DNHD1: variants seen among roughly 807,000 people sequenced by gnomAD.
The protein encoded by DNHD1 is dynein heavy chain domain-containing protein 1.
Under a neutral mutation model 458.1 loss-of-function variants are expected in DNHD1, and 383 were observed. The ratio of observed to expected loss-of-function variants is 0.84; its 90% CI spans 0.77 to 0.91. The LOEUF (loss-of-function observed/expected upper bound fraction) is 0.91, where lower values mean the gene tolerates loss of function less well. Ranked by LOEUF, DNHD1 falls within the 40% of genes least tolerant of loss-of-function variation. The probability of loss-of-function intolerance (pLI) is 0.00; values close to 1 mark genes in which losing one functional copy is unlikely to be tolerated. For synonymous variants in DNHD1, 2,203 were observed against 2,376.9 expected (o/e 0.93, Z 2.13); for missense variants, 5,336 against 5,866.1 (o/e 0.91, Z 2.95).
At chr11:6,519,535 G>A in intron 7 of DNHD1, 65 bp from the exon 8 acceptor site, 3 of 1,584,024 alleles carry the variant, frequency 1.9e-6, no homozygotes, top group Non-Finnish European at 1.7e-6. Context: ...AGTTTGCACA[G>A]ACTAGTGGGT....
Position 6,520,534 on chromosome 11 carries a change from G to A in DNHD1, c.1837+245G>A, listed in dbSNP as rs1038684220. 3.7e-6 allele frequency: 5 copies of A among 1,357,426 alleles called. No homozygotes were observed. The South Asian group carries it at 9.2e-5, about 25-fold the overall frequency. 84.1% of individuals were successfully genotyped at this position (1,357,426 alleles called of 1,614,324 possible). A position where few individuals can be genotyped will look rare whatever the true frequency, so the allele number is the denominator to read the frequency against. ...AATGAGAGGGTGTATGAAAGAGTGT[G>A]AGTACATTGTCCTTCCAAACCTGAT... On this transcript the variant is annotated intron_variant, in intron 10 of 42. Coordinates refer to ENST00000254579, the MANE Select transcript of DNHD1 (RefSeq NM_144666.3).
At position 6,546,422 on chromosome 11, in the gene DNHD1, C is replaced by T. The variant is rs1050904724; in HGVS notation, c.5483C>T (p.Ala1828Val). The change falls in exon 21 of 43, where the codon GCA becomes GTA. Residue 1828 changes from alanine to valine, a missense_variant. Transcript: ENST00000254579. The part of the protein sequence containing the change: ...LHLLLRPVAL[A>V]LPDLRQVAEL... Reference sequence around the variant, plus strand: ...CTGCTGCTGCGGCCTGTGGCATTGGCATTGCCTGATCTGCGGCAAGTGGCA... The same window carrying T: ...CTGCTGCTGCGGCCTGTGGCATTGGTATTGCCTGATCTGCGGCAAGTGGCA... 2 of 1,551,722 alleles carry T rather than the reference C, an allele frequency of 1.3e-6. No individual in the cohort carries two copies. Among genetic ancestry groups the T allele is most frequent in the Admixed American group, 2.0e-5 (1 of 50,992 alleles).
chr11:6,512,429 A>G lies in DNHD1; in HGVS notation c.1392+1000A>G, dbSNP rs61876827. Reference sequence around the variant, plus strand: ...AGTAGAGATGGGGTTTCACTGTGTTAGCCAGGATGGTCTTGATCTCCTGAC... The same window carrying G: ...AGTAGAGATGGGGTTTCACTGTGTTGGCCAGGATGGTCTTGATCTCCTGAC... On this transcript the variant is annotated intron_variant, in intron 7 of 42. Transcript: ENST00000254579. Among the ~76,000 whole-genome samples, 1,242 of 151,540 alleles carry G rather than the reference A, an allele frequency of 8.2e-3. 9 individuals carry two copies. Among genetic ancestry groups the G allele is most frequent in the African/African-American group, 0.016 (676 of 41,290 alleles).
chr11:6,554,486 C>T (rs114216369), intron 24 of DNHD1, among the ~76,000 whole-genome samples: 2,052 of 151,820 alleles, frequency 0.014, 46 homozygotes, highest in African/African-American at 0.047. Flanking sequence ...GACACTGTTA[C>T]GAAAATGAAA....
At chr11:6,570,219 A>C (rs777577416) in intron 40 of DNHD1, 28 bp from the exon 41 acceptor site, 1 of 1,613,660 alleles carries the variant, frequency 6.2e-7, no homozygotes, top group Non-Finnish European at 8.5e-7. Flanking sequence ...AAGGTACTGG[A>C]ACTGAGAGAC....
At chr11:6,502,407 TG>T (rs1852155207) in intron 3 of DNHD1, among the ~76,000 whole-genome samples, 2 of 152,342 alleles carry the variant, frequency 1.3e-5, no homozygotes, top group African/African-American at 2.4e-5. Context: ...AGCAATGAGT[TG>T]GGAAAATAAA....
At chr11:6,534,714 T>G (rs890338551) in intron 14 of DNHD1, among the ~76,000 whole-genome samples, 7 of 152,168 alleles carry the variant, frequency 4.6e-5, no homozygotes, top group Non-Finnish European at 7.3e-5. Flanking sequence ...CTTCTGTTCT[T>G]AAAGAACTCT....
Position 6,571,854 on chromosome 11 carries a change from C to A in DNHD1, c.14130C>A (p.Tyr4710Ter), listed in dbSNP as rs777279976. ...TGACTGTGTACTCGTGTCCTGTGTA[C>A]ATGGGAGGGCCCCTTGGCACCGCTA... is the stretch of plus-strand genomic sequence containing the variant. The part of the protein sequence containing the change: ...ADLTVYSCPV[Y>*]MGGPLGTAKL... Residue 4710 changes from tyrosine (Y) to a stop codon, truncating the protein, a stop_gained, in exon 43 of 43, where the codon TAC (tyrosine) becomes TAA (stop). Transcript: ENST00000254579. LOFTEE classifies it high-confidence loss of function. The surrounding 1 kb of genome is among the most constrained non-coding windows in gnomAD (Gnocchi z 5.0). 6.2e-7 allele frequency: 1 copy of A among 1,613,928 alleles called. No individual in the cohort carries two copies. Among genetic ancestry groups the A allele is most frequent in the Non-Finnish European group, 8.5e-7 (1 of 1,179,914 alleles).
At position 6,570,256 on chromosome 11, in the gene DNHD1, T is replaced by C; in HGVS notation, c.12965T>C (p.Phe4322Ser). The C allele has an allele frequency of 6.2e-6, 10 of 1,613,740 alleles. No individual in the cohort carries two copies. The highest frequency in any genetic ancestry group is 8.5e-6 in the Non-Finnish European group (10 of 1,179,774). Reference protein sequence around the residue: ...AAMQELAASVFYGGPLGDTED... With the variant: ...AAMQELAASVSYGGPLGDTED... ...CTAACCTCATCTTCAGCTTCAGTTT[T>C]CTACGGGGGTCCTCTGGGGGACACT... Residue 4322 changes from phenylalanine (F) to serine (S), a missense_variant, in exon 41 of 43, where the codon TTC (phenylalanine) becomes TCC (serine). Phe to Ser is a radical substitution (Grantham distance 155). This residue lies in a region of DNHD1 where 698 missense variants were observed against 664.9 expected (regional missense o/e 1.05). Coordinates refer to ENST00000254579, the MANE Select transcript of DNHD1 (RefSeq NM_144666.3).
At chr11:6,503,420 C>G (rs1028018880) in intron 4 of DNHD1, 4 of 152,454 alleles carry the variant, frequency 2.6e-5, no homozygotes, top group African/African-American at 9.7e-5. Flanking sequence ...TCCTCCTTCC[C>G]CATGACTCAA....
intron 34 of DNHD1, 64 bp downstream of exon 34, chr11:6,566,457 C>A: frequency 6.5e-7 from 1 of 1,544,782 alleles, no homozygotes; most frequent in Non-Finnish European, 8.8e-7. Flanking sequence ...CAGCACCAGC[C>A]CTAAGAGGGC....
chr11:6,500,660 G>A lies in DNHD1; in HGVS notation c.746+1699G>A, dbSNP rs78657271. ...GTTCTTTGCCCTCCCTTTGAACCTGGCAGTAAACCTCTGAGGTCTAGCTAA... is the reference window on the plus strand; with the variant it reads ...GTTCTTTGCCCTCCCTTTGAACCTGACAGTAAACCTCTGAGGTCTAGCTAA... On this transcript the variant is annotated intron_variant, in intron 3 of 42. Transcript: ENST00000254579. 7.2e-5 allele frequency among the ~76,000 whole-genome samples: 11 copies of A among 152,282 alleles called. No individual in the cohort carries two copies. The East Asian group carries it at 1.7e-3, about 24-fold the overall frequency.
At chr11:6,504,541 C>T (rs1464683499) in intron 4 of DNHD1, among the ~76,000 whole-genome samples, 1 of 152,222 alleles carries the variant, frequency 6.6e-6, no homozygotes, top group African/African-American at 2.4e-5. Context: ...CCTCCACCTC[C>T]CTGGTTCAAG....
chr11:6,556,751 C>T lies in DNHD1; in HGVS notation c.7456C>T (p.His2486Tyr). 6.4e-7 allele frequency: 1 copy of T among 1,551,630 alleles called. No individual in the cohort carries two copies. Among genetic ancestry groups the T allele is most frequent in the Non-Finnish European group, 8.7e-7 (1 of 1,146,922 alleles). Residue 2486 changes from histidine to tyrosine, a missense_variant, in exon 25 of 43, where the codon CAC (histidine) becomes TAC (tyrosine). Physicochemically the swap from His to Tyr is moderately conservative, Grantham distance 83 (BLOSUM62 2). Around this residue, in one of 4 missense-constraint regions of DNHD1, gnomAD observed 3,932 missense variants for 4,365.6 expected, o/e 0.90. Transcript: ENST00000254579. ...RQAMDGTVYA[H>Y]STLELQTLQP... is the part of the protein sequence containing the mutation. ...GGCCATGGATGGCACTGTGTATGCCCACAGCACCTTGGAACTGCAGACGCT... is the reference window on the plus strand; with the variant it reads ...GGCCATGGATGGCACTGTGTATGCCTACAGCACCTTGGAACTGCAGACGCT...
At chr11:6,539,731 C>A in intron 17 of DNHD1, 145 bp from the exon 18 acceptor site, 1 of 728,376 alleles carries the variant, frequency 1.4e-6, no homozygotes. Context: ...GCCTGATGGT[C>A]CCACTCTCGC....
Position 6,528,770 on chromosome 11 carries a change from CAA to C in DNHD1, c.2087_2088del (p.Gln696ProfsTer26). ...TAAGATCCAGCAGGCACTGAATATACAACAGGTGCTGCTGGAGGTGAGAACAG... is the reference window on the plus strand; with the variant it reads ...TAAGATCCAGCAGGCACTGAATATACCAGGTGCTGCTGGAGGTGAGAACAG... ...NPKIQQALNIQQVLLEGVLCK... is the reference protein window; with the variant it reads ...NPKIQQALNIXQVLLEGVLCK... On this transcript the variant is annotated frameshift_variant, in exon 11 of 43. Coordinates refer to ENST00000254579, the MANE Select transcript of DNHD1 (RefSeq NM_144666.3). LOFTEE classifies it high-confidence loss of function. 5.2e-6 allele frequency: 8 copies of C among 1,551,580 alleles called. No homozygotes were observed. The South Asian group carries it at 9.5e-5, about 18-fold the overall frequency.
chr11:6,528,593 G>A lies in DNHD1; in HGVS notation c.1909G>A (p.Val637Met). The A allele has an allele frequency of 6.4e-7, 1 of 1,551,750 alleles. No homozygotes were observed. The change falls in exon 11 of 43, where the codon GTG becomes ATG. Residue 637 changes from valine (V) to methionine (M), a missense_variant. Val to Met is a conservative substitution (Grantham distance 21). Around this residue, in one of 4 missense-constraint regions of DNHD1, gnomAD observed 3,932 missense variants for 4,365.6 expected, o/e 0.90. Coordinates refer to ENST00000254579, the MANE Select transcript of DNHD1 (RefSeq NM_144666.3). ...PKFQGQPSDA[V>M]SIFCGPNVGL... ...GTTCCAGGGCCAGCCCAGCGATGCT[G>A]TGAGCATCTTCTGTGGCCCGAATGT...
rs1416701525 is a variant in DNHD1 at position 6,533,972 on chromosome 11, A to G, written c.2797A>G (p.Ile933Val). 1 of 1,551,486 alleles carries G rather than the reference A, an allele frequency of 6.4e-7. No homozygotes were observed. The change falls in exon 14 of 43, where the codon ATT (isoleucine) becomes GTT (valine). Residue 933 changes from isoleucine (I) to valine (V), a missense_variant. This residue lies in a region of DNHD1 where 3,932 missense variants were observed against 4,365.6 expected (regional missense o/e 0.90). Transcript: ENST00000254579. The stretch of plus-strand genomic sequence containing the variant: ...GTTCCTGCTCAGCAAGCGACATGCC[A>G]TTATGCCCAAGCTGCAGCAGCTGAT... The part of the protein sequence containing the change: ...SEFLLSKRHA[I>V]MPKLQQLMAA...
Position 6,548,595 on chromosome 11 carries a change from T to C in DNHD1, c.7099-50T>C. ...CTTAGACTTTTATTTTCAGCTAGAT[T>C]ACTGTCTTATACTGGAGGTGCTGCA... is the stretch of plus-strand genomic sequence containing the variant. On this transcript the variant is annotated intron_variant, in intron 23 of 42. Coordinates refer to ENST00000254579, the MANE Select transcript of DNHD1 (RefSeq NM_144666.3). This position sits in a 1 kb window ranked among gnomAD's most constrained non-coding sequence, Gnocchi z 4.4. The C allele has an allele frequency of 6.5e-7, 1 of 1,542,916 alleles. No homozygotes were observed. The highest frequency in any genetic ancestry group is 8.8e-7 in the Non-Finnish European group (1 of 1,142,388).
Sources: allele counts gnomAD v4.1 joint callset (sites outside exome capture counted in the v4.1 genomes callset), GRCh38; gene constraint gnomAD v4.1.1; regional missense constraint gnomAD v4.1.1; non-coding constraint Gnocchi (gnomAD v3.1); transcripts MANE v1.5; gene names NCBI Gene and HGNC (gene_info 2026-07-23, HGNC 2026-07-21).